EDIL3: variants seen among roughly 807,000 people sequenced by gnomAD.
EDIL3 encodes EGF like and discoidin domains 3.
A neutral mutation model predicts 67.4 loss-of-function variants in EDIL3; 37 were observed. That is an observed-to-expected ratio of 0.55 (90% CI 0.42 to 0.72). The LOEUF (loss-of-function observed/expected upper bound fraction) is 0.72. EDIL3 is among the 30% of genes least tolerant of loss of function. The probability of loss-of-function intolerance (pLI) is 0.00; values close to 1 mark genes in which losing one functional copy is unlikely to be tolerated. For missense variants in EDIL3, 527 were observed against 586.3 expected, an observed-to-expected ratio of 0.90 and a Z score of 1.04; for synonymous variants, 195 against 196.3, an observed-to-expected ratio of 0.99 and a Z score of 0.05.
chr5:83,946,592 A>G (rs1456623038), intron 10 of EDIL3, among the ~76,000 whole-genome samples: 2 of 151,948 alleles, frequency 1.3e-5, no homozygotes, highest in Non-Finnish European at 2.9e-5. Context: ...AGATAAAATA[A>G]AACAATAAAA....
intron 4 of EDIL3, among the ~76,000 whole-genome samples, chr5:84,167,231 G>C (rs1748720982): frequency 6.6e-6 from 1 of 152,042 alleles, no homozygotes; most frequent in Non-Finnish European, 1.5e-5. Context: ...ATTAAAATCT[G>C]AATGTGTTCT....
intron 9 of EDIL3, among the ~76,000 whole-genome samples, chr5:84,049,484 C>A (rs973782909): frequency 7.9e-5 from 12 of 152,144 alleles, no homozygotes; most frequent in African/African-American, 2.9e-4. Context: ...TGTTTGGAAA[C>A]TACCTATGGA....
intron 3 of EDIL3, chr5:84,181,290 G>A (rs1749007993): frequency 6.6e-6 from 1 of 152,178 alleles, no homozygotes; most frequent in Non-Finnish European, 1.5e-5. Context: ...CAGGAGTGTG[G>A]TTAGCTGACA....
At chr5:84,034,244 C>G (rs541124869) in intron 9 of EDIL3, among the ~76,000 whole-genome samples, 1 of 152,264 alleles carries the variant, frequency 6.6e-6, no homozygotes, top group African/African-American at 2.4e-5. Context: ...ATGCACACAA[C>G]AAAATTAGAT....
At chr5:83,978,493 T>C (rs1030800060) in intron 9 of EDIL3, among the ~76,000 whole-genome samples, 8 of 151,880 alleles carry the variant, frequency 5.3e-5, no homozygotes, top group Non-Finnish European at 1.2e-4. Context: ...CTAAACTGAT[T>C]TGAAAATCTA....
chr5:84,294,401 A>C (rs1476952545), intron 1 of EDIL3, among the ~76,000 whole-genome samples: 3 of 151,148 alleles, frequency 2.0e-5, no homozygotes, highest in African/African-American at 7.3e-5. Context: ...AAAAAAAAAA[A>C]AAAAAAAAAT....
intron 9 of EDIL3, among the ~76,000 whole-genome samples, chr5:84,035,035 T>C (rs1745995063): frequency 6.6e-6 from 1 of 152,184 alleles, no homozygotes; most frequent in Non-Finnish European, 1.5e-5. Context: ...ACCATACTGA[T>C]GTTTTTTTAA....
intron 1 of EDIL3, among the ~76,000 whole-genome samples, chr5:84,279,405 T>C (rs1745651780): frequency 6.6e-6 from 1 of 152,214 alleles, no homozygotes; most frequent in Non-Finnish European, 1.5e-5. Flanking sequence ...GCATAAATAC[T>C]GTAATCTGCA....
At chr5:84,223,407 G>T (rs999723231) in intron 3 of EDIL3, among the ~76,000 whole-genome samples, 1 of 151,506 alleles carries the variant, frequency 6.6e-6, no homozygotes, top group Non-Finnish European at 1.5e-5. Context: ...TTAATTAATA[G>T]ATAAGAAACT....
intron 3 of EDIL3, among the ~76,000 whole-genome samples, chr5:84,202,162 C>A (rs954275140): frequency 6.6e-6 from 1 of 152,094 alleles, no homozygotes; most frequent in Non-Finnish European, 1.5e-5. Context: ...TGTGCCATTT[C>A]TTACATACAT....
chr5:84,233,244 C>G (rs975682295), intron 2 of EDIL3, among the ~76,000 whole-genome samples: 9 of 152,160 alleles, frequency 5.9e-5, no homozygotes, highest in African/African-American at 2.2e-4. Context: ...TCACCCATAA[C>G]AGAATCTTCC....
At chr5:84,226,736 G>C (rs1253892788) in intron 3 of EDIL3, among the ~76,000 whole-genome samples, 2 of 151,782 alleles carry the variant, frequency 1.3e-5, no homozygotes, top group Non-Finnish European at 2.9e-5. Flanking sequence ...GAGCACATTT[G>C]TTCTATTTTA....
intron 1 of EDIL3, among the ~76,000 whole-genome samples, chr5:84,375,415 GA>G (rs374933315): frequency 0.019 from 2,939 of 151,172 alleles, 98 homozygotes; most frequent in African/African-American, 0.067. Flanking sequence ...ACATAAACCA[GA>G]AAAAAAAATA....
At chr5:84,253,786 A>T (rs1745076334) in intron 2 of EDIL3, among the ~76,000 whole-genome samples, 1 of 151,822 alleles carries the variant, frequency 6.6e-6, no homozygotes, top group African/African-American at 2.4e-5. Flanking sequence ...TTATTTGAGA[A>T]TAAAATGTTA....
chr5:84,126,219 G>A (rs768679586), intron 5 of EDIL3, among the ~76,000 whole-genome samples: 1 of 151,970 alleles, frequency 6.6e-6, no homozygotes, highest in East Asian at 1.9e-4. Context: ...CAGCAGAAAG[G>A]CCAGGACTGG....
intron 1 of EDIL3, among the ~76,000 whole-genome samples, chr5:84,293,678 A>T (rs1358932319): frequency 6.6e-6 from 1 of 151,988 alleles, no homozygotes; most frequent in Admixed American, 6.6e-5. Flanking sequence ...GATTAATATA[A>T]AAATAAATAC....
chr5:84,119,212 GTTTTTT>G (rs66522256), intron 5 of EDIL3, among the ~76,000 whole-genome samples: 8 of 82,308 alleles, frequency 9.7e-5, no homozygotes, highest in Admixed American at 3.8e-4. Flanking sequence ...CATGCATTTG[GTTTTTT>G]TTTTTTTTTT....
intron 3 of EDIL3, among the ~76,000 whole-genome samples, chr5:84,201,788 C>T (rs867623975): frequency 6.6e-6 from 1 of 152,012 alleles, no homozygotes; most frequent in African/African-American, 2.4e-5. Flanking sequence ...TAGTATATTG[C>T]CAACTATATT....
intron 1 of EDIL3, among the ~76,000 whole-genome samples, chr5:84,285,124 T>C (rs890746486): frequency 1.3e-5 from 2 of 152,152 alleles, no homozygotes; most frequent in Admixed American, 6.6e-5. Flanking sequence ...TAACAGTAAA[T>C]TTGAATGTTC....
Sources: allele counts gnomAD v4.1 joint callset (sites outside exome capture counted in the v4.1 genomes callset), GRCh38; gene constraint gnomAD v4.1.1; transcripts MANE v1.5; gene names NCBI Gene and HGNC (gene_info 2026-07-23, HGNC 2026-07-21).